Variants in COX7B2 observed in about 807,000 individuals in gnomAD.
COX7B2 encodes the protein cytochrome c oxidase subunit 7B2, mitochondrial.
For synonymous variants in COX7B2, 37 were observed against 32.1 expected, an observed-to-expected ratio of 1.15 and a Z score of -0.51; for missense variants, 109 against 95.9, an observed-to-expected ratio of 1.14 and a Z score of -0.57.
At chr4:46,855,490 A>T (rs1278914789) in intron 1 of COX7B2, among the ~76,000 whole-genome samples, 1 of 152,104 alleles carries the variant, frequency 6.6e-6, no homozygotes, top group East Asian at 1.9e-4. Flanking sequence ...AAAAGTATAC[A>T]GGGAGAATGA....
At chr4:46,856,365 A>G (rs1230116169) in intron 1 of COX7B2, among the ~76,000 whole-genome samples, 2 of 152,234 alleles carry the variant, frequency 1.3e-5, no homozygotes, top group Non-Finnish European at 2.9e-5. Context: ...CCCTTAGCTA[A>G]CATCAGCAAA....
intron 2 of COX7B2, among the ~76,000 whole-genome samples, chr4:46,755,167 A>T (rs1463212009): frequency 6.6e-6 from 1 of 152,020 alleles, no homozygotes; most frequent in Non-Finnish European, 1.5e-5. Flanking sequence ...CATCACATAA[A>T]CAGAATTAAG....
chr4:46,773,827 C>T (rs1432613918), intron 2 of COX7B2, among the ~76,000 whole-genome samples: 1 of 148,750 alleles, frequency 6.7e-6, no homozygotes, highest in African/African-American at 2.5e-5. Flanking sequence ...TATCTTTAGT[C>T]TATAGACTGC....
intron 2 of COX7B2, among the ~76,000 whole-genome samples, chr4:46,813,975 G>A (rs1459216353): frequency 2.0e-5 from 3 of 152,080 alleles, no homozygotes; most frequent in African/African-American, 4.8e-5. Context: ...AATCAAAACT[G>A]TAATGAGATA....
intron 1 of COX7B2, among the ~76,000 whole-genome samples, chr4:46,901,084 AG>A (rs1440727213): frequency 6.6e-6 from 1 of 152,202 alleles, no homozygotes; most frequent in African/African-American, 2.4e-5. Context: ...TTATAAATTC[AG>A]ATTTTCCTGT....
intron 2 of COX7B2, among the ~76,000 whole-genome samples, chr4:46,744,854 C>T (rs113027391): frequency 1.3e-5 from 2 of 150,904 alleles, no homozygotes; most frequent in East Asian, 2.0e-4. Context: ...GCAATTCTCC[C>T]GCCTCAGCTG....
chr4:46,822,782 T>C (rs1357556289), intron 2 of COX7B2, among the ~76,000 whole-genome samples: 1 of 152,206 alleles, frequency 6.6e-6, no homozygotes, highest in Non-Finnish European at 1.5e-5. Context: ...TTCATGAATG[T>C]AGACATAAAT....
chr4:46,861,524 G>T (rs773952906), intron 1 of COX7B2, among the ~76,000 whole-genome samples: 1 of 151,982 alleles, frequency 6.6e-6, no homozygotes, highest in Non-Finnish European at 1.5e-5. Flanking sequence ...AAATTAGAAG[G>T]CTTAAAAAAA....
chr4:46,874,557 T>C (rs1718203300), intron 1 of COX7B2, among the ~76,000 whole-genome samples: 1 of 152,196 alleles, frequency 6.6e-6, no homozygotes, highest in African/African-American at 2.4e-5. Context: ...TCAATTCTCT[T>C]GTGTGGTTTT....
At chr4:46,745,222 GATT>G (rs1714951174) in intron 2 of COX7B2, among the ~76,000 whole-genome samples, 1 of 152,180 alleles carries the variant, frequency 6.6e-6, no homozygotes. Context: ...GCAAACTCCA[GATT>G]ATTTATTTCC....
intron 2 of COX7B2, among the ~76,000 whole-genome samples, chr4:46,769,145 T>A (rs541214873): frequency 4.6e-5 from 7 of 152,078 alleles, no homozygotes; most frequent in African/African-American, 1.7e-4. Flanking sequence ...AAAATTTTTT[T>A]AAAAAAGAAT....
intron 1 of COX7B2, among the ~76,000 whole-genome samples, chr4:46,881,446 T>C (rs1455312027): frequency 6.6e-6 from 1 of 152,142 alleles, no homozygotes; most frequent in Non-Finnish European, 1.5e-5. Flanking sequence ...CCTATCTCAG[T>C]GAGCAGAGGG....
intron 2 of COX7B2, among the ~76,000 whole-genome samples, chr4:46,790,806 A>G (rs1458992770): frequency 6.6e-6 from 1 of 152,048 alleles, no homozygotes; most frequent in Non-Finnish European, 1.5e-5. Flanking sequence ...GGAACTATTA[A>G]CCTCCTAATT....
intron 2 of COX7B2, among the ~76,000 whole-genome samples, chr4:46,791,101 G>A (rs184932799): frequency 1.3e-5 from 2 of 152,062 alleles, no homozygotes; most frequent in Admixed American, 1.3e-4. Context: ...TGGGGTTCAC[G>A]CATTCTGGTG....
chr4:46,883,012 T>G (rs1384803869), intron 1 of COX7B2, among the ~76,000 whole-genome samples: 2 of 152,182 alleles, frequency 1.3e-5, no homozygotes, highest in Non-Finnish European at 2.9e-5. Context: ...AAGGCTATGA[T>G]TTTATAAGTT....
At chr4:46,743,256 C>T (rs562092113) in intron 2 of COX7B2, among the ~76,000 whole-genome samples, 2 of 152,296 alleles carry the variant, frequency 1.3e-5, no homozygotes, top group East Asian at 1.9e-4. Flanking sequence ...CAGCTAAGGT[C>T]CCAAAATGTG....
intron 1 of COX7B2, among the ~76,000 whole-genome samples, chr4:46,886,923 G>C (rs1340284106): frequency 6.6e-6 from 1 of 152,146 alleles, no homozygotes; most frequent in South Asian, 2.1e-4. Context: ...CCACCTACTG[G>C]ACAGACTGTT....
chr4:46,896,688 A>T (rs975663203), intron 1 of COX7B2, among the ~76,000 whole-genome samples: 1 of 152,172 alleles, frequency 6.6e-6, no homozygotes, highest in Non-Finnish European at 1.5e-5. Flanking sequence ...TAATAGAAGT[A>T]AACCACAACA....
intron 1 of COX7B2, among the ~76,000 whole-genome samples, chr4:46,864,826 A>G (rs1215928271): frequency 6.6e-6 from 1 of 151,906 alleles, no homozygotes; most frequent in Non-Finnish European, 1.5e-5. Flanking sequence ...TTGTATTTTT[A>G]ATAGAGACGG....
Sources: allele counts gnomAD v4.1 joint callset (sites outside exome capture counted in the v4.1 genomes callset), GRCh38; gene constraint gnomAD v4.1.1; transcripts MANE v1.5; gene names NCBI Gene and HGNC (gene_info 2026-07-23, HGNC 2026-07-21).